The following ZNF496 variants were observed in gnomAD, a reference collection of about 807,000 sequenced individuals.
The protein encoded by ZNF496 is NSD1 (nuclear receptor binding SET-domain containing 1)-interacting zinc finger protein 1.
In ZNF496, 11 loss-of-function variants were observed where a neutral mutation model predicts 58.9. That is an observed-to-expected ratio of 0.19 (90% confidence interval 0.12 to 0.31). ZNF496 has a LOEUF of 0.31. Among genes scored for constraint, ZNF496 ranks in the 10% least tolerant of loss-of-function variants. ZNF496 has a pLI of 1.00. For synonymous variants in ZNF496, 338 were observed against 318.2 expected (o/e 1.06, Z -0.66); for missense variants, 660 against 783.0 (o/e 0.84, Z 1.88).
Position 247,329,928 on chromosome 1 carries a change from C to T in ZNF496, c.-38+38G>A, listed in dbSNP as rs919428639. The T allele has an allele frequency of 2.1e-5, 5 of 237,076 alleles. No individual in the cohort carries two copies. Among genetic ancestry groups the T allele is most frequent in the African/African-American group, 1.1e-4 (5 of 43,718 alleles). 14.7% of individuals were successfully genotyped at this position (237,076 alleles called of 1,614,324 possible). A position where few individuals can be genotyped will look rare whatever the true frequency, so the allele number is the denominator to read the frequency against. ...TGTTTTGAGCATCCCAGGAAACCAA[C>T]AGCGCCACATGCAGATGTAATCAAG... On this transcript the variant is annotated intron_variant, in intron 3 of 9. Coordinates refer to ENST00000682384, the MANE Select transcript of ZNF496 (RefSeq NM_032752.3). The surrounding 1 kb of genome is among the most constrained non-coding windows in gnomAD (Gnocchi z 5.5).
At chr1:247,310,792 C>G (rs565220956) in intron 6 of ZNF496, 4 of 221,570 alleles carry the variant, frequency 1.8e-5, no homozygotes, top group Admixed American at 1.5e-4. Context: ...CCAAAAGTCT[C>G]CACTTCCTAA....
chr1:247,328,340 G>A (rs938996045), intron 5 of ZNF496, among the ~76,000 whole-genome samples: 2 of 152,092 alleles, frequency 1.3e-5, no homozygotes, highest in Non-Finnish European at 2.9e-5. Context: ...CATGCAGCAG[G>A]CCCCAGCTGT....
rs1405888761 is a variant in ZNF496 at position 247,328,730 on chromosome 1, C to T, written c.527G>A (p.Cys176Tyr). Residue 176 changes from cysteine (C) to tyrosine (Y), a missense_variant, in exon 5 of 10, where the codon TGC becomes TAC. By Grantham distance (194) the Cys-to-Tyr change is radical. Coordinates refer to ENST00000682384, the MANE Select transcript of ZNF496 (RefSeq NM_032752.3). ...TGGTGGTCTGCTTGGGAGCCCCAGG[C>T]ACTGTGCCAGGGTTATGGGCTGGGC... ...QDAQPITLAQ[C>Y]LGLPSRPPSQ... 1 of 1,610,840 alleles carries T rather than the reference C, an allele frequency of 6.2e-7. No individual in the cohort carries two copies. Among genetic ancestry groups the T allele is most frequent in the African/African-American group, 1.3e-5 (1 of 74,792 alleles).
chr1:247,319,078 C>T (rs1659875030), intron 6 of ZNF496, among the ~76,000 whole-genome samples: 1 of 152,246 alleles, frequency 6.6e-6, no homozygotes, highest in Non-Finnish European at 1.5e-5. Flanking sequence ...ACCCCCTGGG[C>T]TCAGGCAATC....
intron 6 of ZNF496, among the ~76,000 whole-genome samples, chr1:247,316,054 A>C (rs1311910722): frequency 9.8e-6 from 1 of 101,576 alleles, no homozygotes; most frequent in Middle Eastern, 8.6e-3. Flanking sequence ...TTGGTTTCTT[A>C]AATGGGGAAA....
rs1209978251 is a variant in ZNF496, at chr1:247,298,591, A to C, written c.*1928T>G. ...TGGTTTCCCAAAGTGCTAGGATTAC[A>C]GGTGTGAGCCACTGCACCCAGCCCA... is the stretch of plus-strand genomic sequence containing the variant. On this transcript the variant is annotated 3_prime_UTR_variant, in exon 10 of 10. Coordinates refer to ENST00000682384, the MANE Select transcript of ZNF496 (RefSeq NM_032752.3). The C allele has an allele frequency of 6.6e-6, 1 of 152,306 alleles. No individual in the cohort carries two copies. The highest frequency in any genetic ancestry group is 2.4e-5 in the African/African-American group (1 of 41,472). 9.4% of individuals were successfully genotyped at this position (152,306 alleles called of 1,614,324 possible).
chr1:247,326,139 T>TAC (rs1553273567), intron 5 of ZNF496, among the ~76,000 whole-genome samples: 116 of 140,354 alleles, frequency 8.3e-4, no homozygotes, highest in African/African-American at 1.7e-3. Flanking sequence ...TATATATATA[T>TAC]ACACACATAT....
chr1:247,328,827 C>A lies in ZNF496; in HGVS notation c.430G>T (p.Asp144Tyr). 6.2e-7 allele frequency: 1 copy of A among 1,610,332 alleles called. No homozygotes were observed. The highest frequency in any genetic ancestry group is 8.5e-7 in the Non-Finnish European group (1 of 1,178,412). The change falls in exon 5 of 10, where the codon GAC becomes TAC. Residue 144 changes from aspartate to tyrosine, a missense_variant. Asp to Tyr is a radical substitution (Grantham distance 160). Coordinates refer to ENST00000682384, the MANE Select transcript of ZNF496 (RefSeq NM_032752.3). Reference sequence around the variant, plus strand: ...TCCTGCTCCTGGTCCAGAGGGCTGTCCCCATCATCAATCACCACAGGGTCT... The same window carrying A: ...TCCTGCTCCTGGTCCAGAGGGCTGTACCCATCATCAATCACCACAGGGTCT... ...CEDPVVIDDG[D>Y]SPLDQEQEQL...
chr1:247,298,083 G>A lies in ZNF496; in HGVS notation c.*2436C>T, dbSNP rs764671138. ...CAGGTAGGTGGGGTAAACGTGTACA[G>A]AGAGCCTGGCTTCTACTTGGAATTT... is the stretch of plus-strand genomic sequence containing the variant. On this transcript the variant is annotated 3_prime_UTR_variant, in exon 10 of 10. Coordinates refer to ENST00000682384, the MANE Select transcript of ZNF496 (RefSeq NM_032752.3). 2.0e-5 allele frequency: 3 copies of A among 152,186 alleles called. No homozygotes were observed. Among genetic ancestry groups the A allele is most frequent in the Admixed American group, 6.5e-5 (1 of 15,272 alleles). The allele number at this position is 152,186 out of a possible 1,614,324, so 9.4% of individuals were successfully genotyped here.
chr1:247,311,593 C>A (rs1272673039), intron 6 of ZNF496: 1 of 152,234 alleles, frequency 6.6e-6, no homozygotes, highest in East Asian at 1.9e-4. Flanking sequence ...TGGTTTACGG[C>A]TTGAGAATAA....
At chr1:247,315,066 T>C (rs1240064688) in intron 6 of ZNF496, among the ~76,000 whole-genome samples, 2 of 148,530 alleles carry the variant, frequency 1.3e-5, no homozygotes, top group Non-Finnish European at 3.0e-5. Context: ...TAGTCTTTTT[T>C]TTTTTTTTTT....
At position 247,316,135 on chromosome 1, in the gene ZNF496, G is replaced by GGTGTGTGTGTGT. The variant is rs148003455; in HGVS notation, c.652-5691_652-5680dup. On this transcript the variant is annotated intron_variant, in intron 6 of 9. Transcript: ENST00000682384. ...CTCTGACACGACTTCCTGGGAGAGG[G>GGTGTGTGTGTGT]GTGTGTGTGTGTGTGTGTGTGTGTG... Among the ~76,000 whole-genome samples the GGTGTGTGTGTGT allele has an allele frequency of 6.9e-3, 966 of 139,906 alleles. 8 individuals are homozygous for GGTGTGTGTGTGT. Among genetic ancestry groups the GGTGTGTGTGTGT allele is most frequent in the African/African-American group, 0.017 (654 of 37,724 alleles). 91.8% of individuals were successfully genotyped at this position (139,906 alleles called of 152,430 possible). A position where few individuals can be genotyped will look rare whatever the true frequency, so the allele number is the denominator to read the frequency against.
chr1:247,327,255 G>T (rs2103033278), intron 5 of ZNF496, among the ~76,000 whole-genome samples: 1 of 152,294 alleles, frequency 6.6e-6, no homozygotes, highest in East Asian at 1.9e-4. Flanking sequence ...GTAGCGATGG[G>T]GTTTCACCAT....
rs1660016144 is a variant in ZNF496, at chr1:247,323,196, A to G, written c.609T>C (p.Asn203=). 6.2e-7 allele frequency: 1 copy of G among 1,614,144 alleles called. No homozygotes were observed. The highest frequency in any genetic ancestry group is 8.5e-7 in the Non-Finnish European group (1 of 1,179,990). ...TGGTCACCTGCTGTGTGTCCCGCAC[A>G]TTCTCTTCCTGAAGAAGGAAAGCAT... ...LQDAFLLQEE[N]VRDTQQVTTL... Residue 203 remains asparagine (N), a synonymous_variant, in exon 6 of 10, where the codon AAT becomes AAC. Transcript: ENST00000682384.
chr1:247,329,002 A>T lies in ZNF496; in HGVS notation c.391-136T>A. On this transcript the variant is annotated intron_variant, in intron 4 of 9. Coordinates refer to ENST00000682384, the MANE Select transcript of ZNF496 (RefSeq NM_032752.3). This position sits in a 1 kb window ranked among gnomAD's most constrained non-coding sequence, Gnocchi z 5.5. ...GGACTGGGCTGTAAAGGGGCACGACACTATCATGCCCAAATTAGAGCCTTC... is the reference window on the plus strand; with the variant it reads ...GGACTGGGCTGTAAAGGGGCACGACTCTATCATGCCCAAATTAGAGCCTTC... The T allele has an allele frequency of 7.2e-7, 1 of 1,383,412 alleles. No individual in the cohort carries two copies. Among genetic ancestry groups the T allele is most frequent in the Non-Finnish European group, 9.8e-7 (1 of 1,019,538 alleles). The allele number at this position is 1,383,412 out of a possible 1,614,324, so 85.7% of individuals were successfully genotyped here.
Position 247,300,735 on chromosome 1 carries a change from G to A in ZNF496, c.1548C>T (p.Gly516=). Reference sequence around the variant, plus strand: ...AGCACTGGAAGCTCAGTTTGGCCTTGCCGTTTTCCAGCGGCTCTTTGGGAC... The same window carrying A: ...AGCACTGGAAGCTCAGTTTGGCCTTACCGTTTTCCAGCGGCTCTTTGGGAC... ...DKGPKEPLEN[G]KAKLSFQCCE... is the part of the protein sequence containing the mutation. Residue 516 remains glycine, a synonymous_variant, in exon 10 of 10, where the codon GGC becomes GGT. Coordinates refer to ENST00000682384, the MANE Select transcript of ZNF496 (RefSeq NM_032752.3). The surrounding 1 kb of genome is among the most constrained non-coding windows in gnomAD (Gnocchi z 5.7). The A allele has an allele frequency of 6.2e-7, 1 of 1,611,996 alleles. No individual in the cohort carries two copies. Among genetic ancestry groups the A allele is most frequent in the Non-Finnish European group, 8.5e-7 (1 of 1,178,386 alleles).
chr1:247,311,396 T>C, intron 6 of ZNF496: 1 of 140,456 alleles, frequency 7.1e-6, no homozygotes, highest in Non-Finnish European at 1.5e-5. Flanking sequence ...TGAGACTCAG[T>C]CTTAAAAAAA....
intron 9 of ZNF496, among the ~76,000 whole-genome samples, 171 bp from the exon 10 acceptor site, chr1:247,301,447 G>A (rs1341000236): frequency 6.6e-6 from 1 of 152,186 alleles, no homozygotes; most frequent in Non-Finnish European, 1.5e-5. Flanking sequence ...TGTAGCCTGT[G>A]AGGAAGAAAT....
intron 5 of ZNF496, 85 bp from the exon 6 acceptor site, chr1:247,323,315 A>G (rs747470608): frequency 2.8e-4 from 273 of 973,518 alleles, no homozygotes; most frequent in Admixed American, 4.4e-4. Context: ...GCGGCTCTTC[A>G]TTTCCATTTT....
Sources: allele counts gnomAD v4.1 joint callset (sites outside exome capture counted in the v4.1 genomes callset), GRCh38; gene constraint gnomAD v4.1.1; non-coding constraint Gnocchi (gnomAD v3.1); transcripts MANE v1.5; gene names NCBI Gene and HGNC (gene_info 2026-07-23, HGNC 2026-07-21).